The following DCC variants were observed in gnomAD, a reference collection of about 807,000 sequenced individuals.
DCC encodes the protein netrin receptor DCC.
A neutral mutation model predicts 172.5 loss-of-function variants in DCC; 58 were observed. The observed-to-expected ratio is 0.34, with a 90% CI of 0.27 to 0.42. The LOEUF (loss-of-function observed/expected upper bound fraction) is 0.42, where lower values mean the gene tolerates loss of function less well. Among genes scored for constraint, DCC ranks in the 10% least tolerant of loss-of-function variants. DCC has a pLI of 1.00. For synonymous variants in DCC, 709 were observed against 644.5 expected, an observed-to-expected ratio of 1.10 and a Z score of -1.52; for missense variants, 1,740 against 1,791.0, an observed-to-expected ratio of 0.97 and a Z score of 0.51.
intron 20 of DCC, among the ~76,000 whole-genome samples, chr18:53,414,734 G>A (rs1910202969): frequency 6.6e-6 from 1 of 152,124 alleles, no homozygotes; most frequent in South Asian, 2.1e-4. Flanking sequence ...TGTAGTCCCA[G>A]CTACTTGAGA....
chr18:53,294,526 A>G (rs1414376547), intron 12 of DCC, among the ~76,000 whole-genome samples: 1 of 152,224 alleles, frequency 6.6e-6, no homozygotes, highest in African/African-American at 2.4e-5. Flanking sequence ...AAGTTCAGAA[A>G]GGGTGGGTGT....
At chr18:53,474,498 G>A (rs2045737791) in intron 25 of DCC, among the ~76,000 whole-genome samples, 1 of 152,064 alleles carries the variant, frequency 6.6e-6, no homozygotes, top group Non-Finnish European at 1.5e-5. Context: ...ATTGAATCAG[G>A]GGCAGGTCTT....
intron 25 of DCC, among the ~76,000 whole-genome samples, chr18:53,483,733 T>C (rs2045865405): frequency 6.6e-6 from 1 of 151,940 alleles, no homozygotes; most frequent in African/African-American, 2.4e-5. Flanking sequence ...ACTATGAGTC[T>C]TTGTTAATTT....
chr18:53,357,341 G>C (rs988229352), intron 15 of DCC, among the ~76,000 whole-genome samples: 3 of 152,092 alleles, frequency 2.0e-5, no homozygotes, highest in Admixed American at 6.6e-5. Flanking sequence ...AACTCCCAGA[G>C]TGCATTCTAA....
At chr18:52,529,183 C>T (rs1283215936) in intron 1 of DCC, among the ~76,000 whole-genome samples, 3 of 152,202 alleles carry the variant, frequency 2.0e-5, no homozygotes, top group Non-Finnish European at 4.4e-5. Context: ...TAAGTATCTA[C>T]AAAAATTAAT....
chr18:52,958,631 C>T lies in DCC; in HGVS notation c.985+33261C>T, dbSNP rs574191202. The stretch of plus-strand genomic sequence containing the variant: ...GACAATGAAAATGGAGACACGGAAA[C>T]ACATCAGAGACAGAAAGATCAGGAC... On this transcript the variant is annotated intron_variant, in intron 5 of 28. Coordinates refer to ENST00000442544, the MANE Select transcript of DCC (RefSeq NM_005215.4). Among the ~76,000 whole-genome samples the T allele has an allele frequency of 4.1e-5, 6 of 146,778 alleles. No individual in the cohort carries two copies. In the East Asian group the frequency reaches 7.7e-4, roughly 19 times the overall value.
rs772281481 is a variant in DCC, at chr18:52,915,591, G to A, written c.698-8116G>A. Among the ~76,000 whole-genome samples the A allele has an allele frequency of 1.4e-4, 21 of 152,096 alleles. No homozygotes were observed. The Middle Eastern group carries it at 0.014, about 99-fold the overall frequency. On this transcript the variant is annotated intron_variant, in intron 3 of 28. Transcript: ENST00000442544. ...TGATGATAGTTGACTTTTTGTTTCT[G>A]AATATATTAAGTGTAAATAAATGTG... is the stretch of plus-strand genomic sequence containing the variant.
At chr18:52,871,461 T>C (rs2039316813) in intron 2 of DCC, among the ~76,000 whole-genome samples, 2 of 152,122 alleles carry the variant, frequency 1.3e-5, no homozygotes, top group African/African-American at 4.8e-5. Context: ...AGGCTACCCC[T>C]CTTTTTTTCC....
intron 28 of DCC, among the ~76,000 whole-genome samples, chr18:53,529,417 A>C (rs1175489258): frequency 6.6e-6 from 1 of 152,178 alleles, no homozygotes; most frequent in Non-Finnish European, 1.5e-5. Flanking sequence ...TCATTGGTTC[A>C]ATCATTTAAT....
At chr18:53,299,966 C>G (rs2057113116) in intron 12 of DCC, among the ~76,000 whole-genome samples, 1 of 152,054 alleles carries the variant, frequency 6.6e-6, no homozygotes, top group South Asian at 2.1e-4. Context: ...ATTGCCAGGT[C>G]TAAAGTAAGT....
At chr18:52,883,985 G>A (rs1256816936) in intron 2 of DCC, among the ~76,000 whole-genome samples, 1 of 151,288 alleles carries the variant, frequency 6.6e-6, no homozygotes, top group African/African-American at 2.4e-5. Flanking sequence ...TCATTCTAGG[G>A]TAAAAGTTAT....
At chr18:52,480,053 C>A (rs973225209) in intron 1 of DCC, among the ~76,000 whole-genome samples, 1 of 152,096 alleles carries the variant, frequency 6.6e-6, no homozygotes, top group Non-Finnish European at 1.5e-5. Flanking sequence ...TTATTAACCC[C>A]TAAGACTCAG....
At chr18:52,456,710 G>T (rs1988467549) in intron 1 of DCC, among the ~76,000 whole-genome samples, 1 of 152,164 alleles carries the variant, frequency 6.6e-6, no homozygotes, top group African/African-American at 2.4e-5. Context: ...ATGACGGTGT[G>T]TTGAATTACA....
chr18:52,967,984 G>A (rs777879715), intron 5 of DCC, among the ~76,000 whole-genome samples: 9 of 152,110 alleles, frequency 5.9e-5, no homozygotes, highest in African/African-American at 1.9e-4. Flanking sequence ...TTGTTCAATG[G>A]TCATCAGATT....
At chr18:52,372,960 A>G (rs1201639007) in intron 1 of DCC, among the ~76,000 whole-genome samples, 2 of 152,180 alleles carry the variant, frequency 1.3e-5, no homozygotes, top group Non-Finnish European at 2.9e-5. Flanking sequence ...TGACACCATT[A>G]TCTTGTTAGG....
intron 5 of DCC, among the ~76,000 whole-genome samples, chr18:52,960,550 A>T (rs2040826081): frequency 6.6e-6 from 1 of 152,128 alleles, no homozygotes; most frequent in African/African-American, 2.4e-5. Context: ...GGTTCATCAC[A>T]GTTTATTACC....
At chr18:52,481,610 G>T (rs1042895072) in intron 1 of DCC, among the ~76,000 whole-genome samples, 5 of 151,886 alleles carry the variant, frequency 3.3e-5, no homozygotes, top group Admixed American at 1.3e-4. Flanking sequence ...TACATAAAGA[G>T]TCTACTAGTT....
intron 7 of DCC, among the ~76,000 whole-genome samples, chr18:53,106,354 C>A (rs1366434758): frequency 6.6e-6 from 1 of 151,904 alleles, no homozygotes; most frequent in African/African-American, 2.4e-5. Flanking sequence ...CATTTGCTTA[C>A]TTGCCTGCCT....
At chr18:52,392,871 AT>A (rs2144353476) in intron 1 of DCC, among the ~76,000 whole-genome samples, 1 of 152,190 alleles carries the variant, frequency 6.6e-6, no homozygotes, top group East Asian at 1.9e-4. Context: ...TGCAATACCA[AT>A]AGCATCCTGT....
Sources: allele counts gnomAD v4.1 joint callset (sites outside exome capture counted in the v4.1 genomes callset), GRCh38; gene constraint gnomAD v4.1.1; transcripts MANE v1.5; gene names NCBI Gene and HGNC (gene_info 2026-07-23, HGNC 2026-07-21).